Variants in NTM observed in about 807,000 individuals in gnomAD.
The protein encoded by NTM is neurotrimin, also known as IgLON family member 2.
NTM carries 13 observed loss-of-function variants against 42.1 expected under a neutral mutation model. The observed-to-expected ratio is 0.31, with a 90% confidence interval of 0.20 to 0.49. The LOEUF is 0.49. NTM is among the 20% of genes least tolerant of loss of function. The probability of loss-of-function intolerance (pLI) is 0.99; values close to 1 mark genes in which losing one functional copy is unlikely to be tolerated. For missense variants in NTM, 373 were observed against 452.8 expected, an observed-to-expected ratio of 0.82 and a Z score of 1.60; for synonymous variants, 187 against 179.2, an observed-to-expected ratio of 1.04 and a Z score of -0.35.
Position 132,145,074 on chromosome 11 carries a change from C to T in NTM, c.168-1208C>T, listed in dbSNP as rs1028811013. ...TTTGAGAATCCAATAGAAGCCATCACCCATCCTCAATGAAAAATTCACCTT... is the reference window on the plus strand; with the variant it reads ...TTTGAGAATCCAATAGAAGCCATCATCCATCCTCAATGAAAAATTCACCTT... On this transcript the variant is annotated intron_variant, in intron 2 of 8. Transcript: ENST00000683400. Among the ~76,000 whole-genome samples, 5 of 152,142 alleles carry T rather than the reference C, an allele frequency of 3.3e-5. 1 individual carries two copies. Among genetic ancestry groups the T allele is most frequent in the Admixed American group, 2.0e-4 (3 of 15,276 alleles).
chr11:132,141,554 G>A (rs1026078784), intron 2 of NTM, among the ~76,000 whole-genome samples: 1 of 152,078 alleles, frequency 6.6e-6, no homozygotes, highest in Non-Finnish European at 1.5e-5. Flanking sequence ...TACCATACTC[G>A]AGCTCCCATG....
chr11:132,184,827 G>A (rs192392529), intron 3 of NTM, among the ~76,000 whole-genome samples: 7 of 152,286 alleles, frequency 4.6e-5, no homozygotes, highest in South Asian at 2.1e-4. Flanking sequence ...TCCACACAGC[G>A]TCATGAACGT....
chr11:131,670,519 G>C (rs2069980341), intron 1 of NTM, among the ~76,000 whole-genome samples: 2 of 152,300 alleles, frequency 1.3e-5, no homozygotes, highest in Middle Eastern at 3.4e-3. Context: ...ACGTGGGTTG[G>C]AAAGCAGGGC....
chr11:131,951,836 A>G (rs1013571871), intron 2 of NTM, among the ~76,000 whole-genome samples: 12 of 151,618 alleles, frequency 7.9e-5, no homozygotes, highest in African/African-American at 2.7e-4. Context: ...AAAAAAAAAA[A>G]AAAAAAAGCC....
In NTM at chr11:131,911,128, G is replaced by T. The variant is rs111846123; in HGVS notation, c.83-436G>T. On this transcript the variant is annotated intron_variant, in intron 1 of 8. Coordinates refer to ENST00000683400, the MANE Select transcript of NTM (RefSeq NM_001352005.2). ...TGCTTACTCCTCTCCAAAGTGCCGT[G>T]TCTGAACTGCCGCTGGGAAGAAGCG... 3.0e-3 allele frequency: 3,808 copies of T among 1,248,890 alleles called. 77 individuals are homozygous for T. The African/African-American group carries it at 0.05, about 16-fold the overall frequency. The allele number at this position is 1,248,890 out of a possible 1,614,324, so 77.4% of individuals were successfully genotyped here.
At chr11:131,552,542 G>A (rs573319363) in intron 1 of NTM, among the ~76,000 whole-genome samples, 3 of 150,688 alleles carry the variant, frequency 2.0e-5, no homozygotes, top group East Asian at 2.0e-4. Context: ...GAGGCCGAGC[G>A]CGGTGGCTCA....
chr11:131,542,092 G>C (rs1024679551), intron 1 of NTM, among the ~76,000 whole-genome samples: 1 of 152,162 alleles, frequency 6.6e-6, no homozygotes, highest in African/African-American at 2.4e-5. Flanking sequence ...CATAAGTATT[G>C]ACCTTGAACA....
chr11:132,273,349 A>C (rs2093581941), intron 4 of NTM, among the ~76,000 whole-genome samples: 1 of 106,052 alleles, frequency 9.4e-6, no homozygotes. Flanking sequence ...GAGGAATTCC[A>C]CATATGTATT....
In NTM at chr11:131,810,507, C is replaced by T. The variant is rs140983984; in HGVS notation, c.83-101057C>T. Among the ~76,000 whole-genome samples the T allele has an allele frequency of 2.6e-5, 4 of 152,318 alleles. No individual in the cohort carries two copies. In the East Asian group the frequency reaches 7.7e-4, roughly 29 times the overall value. ...GATCATTAGAAAAGGGAGACTCGAGCAGCCAGACTGATAGGAATGAGCACG... is the reference window on the plus strand; with the variant it reads ...GATCATTAGAAAAGGGAGACTCGAGTAGCCAGACTGATAGGAATGAGCACG... On this transcript the variant is annotated intron_variant, in intron 1 of 8. Coordinates refer to ENST00000683400, the MANE Select transcript of NTM (RefSeq NM_001352005.2).
At chr11:131,678,410 A>C (rs2071811745) in intron 1 of NTM, among the ~76,000 whole-genome samples, 2 of 152,242 alleles carry the variant, frequency 1.3e-5, no homozygotes, top group Non-Finnish European at 2.9e-5. Flanking sequence ...TTTCTGCTCT[A>C]TTCAACACAG....
chr11:131,426,686 C>T (rs1189611581), intron 1 of NTM, among the ~76,000 whole-genome samples: 1 of 152,146 alleles, frequency 6.6e-6, no homozygotes, highest in Non-Finnish European at 1.5e-5. Context: ...TCGGAAGGCC[C>T]ACCTGTCAGA....
At chr11:132,080,781 A>G (rs1000169285) in intron 2 of NTM, among the ~76,000 whole-genome samples, 2 of 152,202 alleles carry the variant, frequency 1.3e-5, no homozygotes, top group East Asian at 1.9e-4. Context: ...TCTAAAAAAA[A>G]CTGTGAAATG....
intron 4 of NTM, among the ~76,000 whole-genome samples, chr11:132,303,742 A>G (rs2094960138): frequency 6.6e-6 from 1 of 151,456 alleles, no homozygotes; most frequent in Non-Finnish European, 1.5e-5. Context: ...CAATCTGTGA[A>G]GAACAAATCA....
At chr11:131,826,233 G>A (rs4936149) in intron 1 of NTM, among the ~76,000 whole-genome samples, 108,184 of 151,930 alleles carry the variant, frequency 0.71, 39,216 homozygotes, top group East Asian at 0.86. Context: ...ATGAGATGGG[G>A]CAGAGGAGGG....
intron 4 of NTM, among the ~76,000 whole-genome samples, chr11:132,293,366 C>T (rs2094513149): frequency 6.6e-6 from 1 of 152,174 alleles, no homozygotes; most frequent in Non-Finnish European, 1.5e-5. Context: ...TGACAGGACA[C>T]GTCTCCAGGA....
intron 6 of NTM, 46 bp from the exon 7 acceptor site, chr11:132,314,506 A>G (rs2095371058): frequency 6.3e-7 from 1 of 1,577,248 alleles, no homozygotes; most frequent in Non-Finnish European, 8.6e-7. Flanking sequence ...CTATGAGGAC[A>G]CATAACCATC....
intron 3 of NTM, among the ~76,000 whole-genome samples, chr11:132,200,233 C>T (rs2080945150): frequency 6.6e-6 from 1 of 152,150 alleles, no homozygotes; most frequent in African/African-American, 2.4e-5. Context: ...TCCCAGGATT[C>T]AAGATTCAAG....
At chr11:131,937,418 G>GCC (rs2059342213) in intron 2 of NTM, among the ~76,000 whole-genome samples, 1 of 152,160 alleles carries the variant, frequency 6.6e-6, no homozygotes. Context: ...AAGTCTCTGG[G>GCC]CGATGCATGG....
chr11:131,841,808 G>T (rs2044292769), intron 1 of NTM, among the ~76,000 whole-genome samples: 1 of 152,110 alleles, frequency 6.6e-6, no homozygotes, highest in Non-Finnish European at 1.5e-5. Flanking sequence ...GAGGGATGGG[G>T]ATTACAGCTG....
Sources: allele counts gnomAD v4.1 joint callset (sites outside exome capture counted in the v4.1 genomes callset), GRCh38; gene constraint gnomAD v4.1.1; transcripts MANE v1.5; gene names NCBI Gene and HGNC (gene_info 2026-07-23, HGNC 2026-07-21).